Variants in MINDY4 observed in about 807,000 individuals in gnomAD.
The protein encoded by MINDY4 is probable ubiquitin carboxyl-terminal hydrolase MINDY-4.
Under a neutral mutation model 87.0 loss-of-function variants are expected in MINDY4, and 68 were observed. That is an observed-to-expected ratio of 0.78 (90% confidence interval 0.64 to 0.96). The LOEUF (loss-of-function observed/expected upper bound fraction) is 0.96, where lower values mean the gene tolerates loss of function less well. MINDY4 is among the 40% of genes least tolerant of loss of function. MINDY4 has a pLI of 0.00. For missense variants in MINDY4, 919 were observed against 928.2 expected (o/e 0.99, Z 0.13); for synonymous variants, 379 against 363.2 (o/e 1.04, Z -0.50).
At chr7:30,877,822 CTTTTTTTTTTTTTTTTT>C (rs60164229) in intron 15 of MINDY4, among the ~76,000 whole-genome samples, 2,418 of 47,472 alleles carry the variant, frequency 0.051, 79 homozygotes, top group Middle Eastern at 0.11. Flanking sequence ...CAGGGACATG[CTTTTTTTTTTTTTTTTT>C]TTTTTTTTTT....
chr7:30,817,587 G>C (rs1487702106), intron 5 of MINDY4, among the ~76,000 whole-genome samples: 1 of 152,100 alleles, frequency 6.6e-6, no homozygotes, highest in East Asian at 1.9e-4. Context: ...TCCAGTGTTT[G>C]CTGTGTGCAT....
rs182637590 is a variant in MINDY4, at chr7:30,890,205, C to T, written c.2226-1752C>T. 6.6e-5 allele frequency among the ~76,000 whole-genome samples: 10 copies of T among 152,266 alleles called. No homozygotes were observed. The East Asian group carries it at 9.6e-4, about 15-fold the overall frequency. On this transcript the variant is annotated intron_variant, in intron 17 of 17. Coordinates refer to ENST00000265299, the MANE Select transcript of MINDY4 (RefSeq NM_032222.3). The stretch of plus-strand genomic sequence containing the variant: ...ATCCACCTGTTTCAACCTTTTATGC[C>T]GAGTGTTTTAACAAGAAGGTACAAT...
intron 9 of MINDY4, among the ~76,000 whole-genome samples, chr7:30,843,865 C>T (rs2128568337): frequency 6.6e-6 from 1 of 152,252 alleles, no homozygotes; most frequent in African/African-American, 2.4e-5. Context: ...GAGCTGCTGG[C>T]CTGTTGGGGG....
intron 7 of MINDY4, among the ~76,000 whole-genome samples, chr7:30,837,390 C>T (rs1044917333): frequency 5.9e-5 from 9 of 152,196 alleles, no homozygotes; most frequent in African/African-American, 2.2e-4. Context: ...TCACCAAGAT[C>T]CAGGAGGGAA....
At chr7:30,771,636 A>C in intron 1 of MINDY4, 80 bp downstream of exon 1, 1 of 1,407,172 alleles carries the variant, frequency 7.1e-7, no homozygotes, top group Non-Finnish European at 9.7e-7. Flanking sequence ...AAGGCTTTGC[A>C]GCTTCTGGGA....
At chr7:30,879,213 A>T (rs1790382921) in intron 15 of MINDY4, among the ~76,000 whole-genome samples, 1 of 152,164 alleles carries the variant, frequency 6.6e-6, no homozygotes, top group African/African-American at 2.4e-5. Context: ...TTAAGGTAAA[A>T]TGAGGTCACT....
intron 5 of MINDY4, among the ~76,000 whole-genome samples, chr7:30,804,288 A>C (rs2128171690): frequency 1.3e-5 from 2 of 152,342 alleles, no homozygotes; most frequent in Middle Eastern, 6.8e-3. Context: ...GAAGTTAGTA[A>C]AGCCATGGGA....
At chr7:30,829,789 A>G (rs1935447351) in intron 6 of MINDY4, among the ~76,000 whole-genome samples, 1 of 152,164 alleles carries the variant, frequency 6.6e-6, no homozygotes, top group South Asian at 2.1e-4. Flanking sequence ...GCACCACTGC[A>G]CTTTAAGATT....
chr7:30,872,221 C>T, intron 13 of MINDY4, 22 bp from the exon 14 acceptor site: 2 of 1,613,746 alleles, frequency 1.2e-6, no homozygotes, highest in Non-Finnish European at 1.7e-6. Flanking sequence ...GCTGTGCTAA[C>T]AATGCTTCTT....
At chr7:30,778,932 AAG>A (rs566981293) in intron 2 of MINDY4, among the ~76,000 whole-genome samples, 161 of 152,336 alleles carry the variant, frequency 1.1e-3, no homozygotes, top group African/African-American at 3.6e-3. Flanking sequence ...CTGCTTATGT[AAG>A]AGTTTCCTTC....
At chr7:30,786,151 T>C in intron 4 of MINDY4, 159 bp downstream of exon 4, 1 of 965,418 alleles carries the variant, frequency 1.0e-6, no homozygotes. Context: ...TCTCCCTGGC[T>C]CTACTGTCAA....
chr7:30,773,406 C>G (rs1045061853), intron 1 of MINDY4, among the ~76,000 whole-genome samples: 2 of 152,196 alleles, frequency 1.3e-5, no homozygotes, highest in African/African-American at 4.8e-5. Flanking sequence ...CTGCTCAAAC[C>G]CCTCTACTGG....
At chr7:30,841,719 G>T (rs1055011771) in intron 9 of MINDY4, among the ~76,000 whole-genome samples, 1 of 151,934 alleles carries the variant, frequency 6.6e-6, no homozygotes, top group African/African-American at 2.4e-5. Context: ...TCACAAAACC[G>T]CACACCCATG....
At chr7:30,863,004 C>T (rs1789814833) in intron 13 of MINDY4, among the ~76,000 whole-genome samples, 1 of 152,146 alleles carries the variant, frequency 6.6e-6, no homozygotes, top group Non-Finnish European at 1.5e-5. Flanking sequence ...CCCCCCTCCC[C>T]AGCCTGCCAA....
intron 10 of MINDY4, among the ~76,000 whole-genome samples, chr7:30,851,638 C>G (rs930715345): frequency 1.3e-5 from 2 of 152,182 alleles, no homozygotes; most frequent in African/African-American, 4.8e-5. Flanking sequence ...CAGGGCAGCC[C>G]TGAGAACAGA....
intron 5 of MINDY4, among the ~76,000 whole-genome samples, chr7:30,806,926 C>T (rs1200113903): frequency 6.6e-6 from 1 of 152,162 alleles, no homozygotes; most frequent in African/African-American, 2.4e-5. Flanking sequence ...TGCCTTGAGC[C>T]CAGGGTTTCA....
intron 6 of MINDY4, among the ~76,000 whole-genome samples, chr7:30,833,828 G>A (rs775165344): frequency 6.6e-6 from 1 of 152,234 alleles, no homozygotes; most frequent in African/African-American, 2.4e-5. Context: ...CAGGCCCTAC[G>A]CAAGTCCAAA....
intron 17 of MINDY4, among the ~76,000 whole-genome samples, chr7:30,883,736 C>T (rs571851663): frequency 3.9e-5 from 6 of 152,064 alleles, no homozygotes; most frequent in South Asian, 4.1e-4. Context: ...GAGGCCTCAG[C>T]GTGCATGAGA....
intron 17 of MINDY4, among the ~76,000 whole-genome samples, chr7:30,885,431 G>A (rs184957116): frequency 1.6e-3 from 248 of 152,294 alleles, no homozygotes; most frequent in Non-Finnish European, 2.2e-3. Flanking sequence ...AGAATCGCTT[G>A]AACCTGGGAG....
Sources: allele counts gnomAD v4.1 joint callset (sites outside exome capture counted in the v4.1 genomes callset), GRCh38; gene constraint gnomAD v4.1.1; transcripts MANE v1.5; gene names NCBI Gene and HGNC (gene_info 2026-07-23, HGNC 2026-07-21).